Variants in ARHGEF9 observed in about 807,000 individuals in gnomAD.
ARHGEF9 encodes Cdc42 guanine nucleotide exchange factor 9, also known as rho guanine nucleotide exchange factor 9.
A neutral mutation model predicts 41.3 loss-of-function variants in ARHGEF9; 2 were observed. That is an observed-to-expected ratio of 0.05 (90% CI 0.02 to 0.15). The LOEUF (loss-of-function observed/expected upper bound fraction) is 0.15. Ranked by LOEUF, ARHGEF9 falls within the 10% of genes least tolerant of loss-of-function variation. ARHGEF9 has a pLI of 1.00. For synonymous variants in ARHGEF9, 160 were observed against 154.4 expected (o/e 1.04, Z -0.27); for missense variants, 225 against 424.7 (o/e 0.53, Z 4.13).
At chrX:63,714,862 T>C (rs1197698523) in intron 2 of ARHGEF9, among the ~76,000 whole-genome samples, 5 of 111,811 alleles carry the variant, frequency 4.5e-5, no homozygotes, top group Non-Finnish European at 7.5e-5. Context: ...GAAGTACTTT[T>C]GTAATTGCTT....
In ARHGEF9 at chrX:63,635,334, G is replaced by A; in HGVS notation, c.*2694C>T. The A allele has an allele frequency of 1.9e-6, 1 of 522,463 alleles. No individual in the cohort carries two copies. 43.1% of individuals were successfully genotyped at this position (522,463 alleles called of 1,213,427 possible). A position where few individuals can be genotyped will look rare whatever the true frequency, so the allele number is the denominator to read the frequency against. ...GATGTCTGTCTTAGGACTCCCCACA[G>A]CAGGTCCCATTGAACACACTAGCAA... is the stretch of plus-strand genomic sequence containing the variant. On this transcript the variant is annotated 3_prime_UTR_variant, in exon 10 of 10. Transcript: ENST00000671741.
At chrX:63,644,672 G>C (rs1373304539) in intron 8 of ARHGEF9, among the ~76,000 whole-genome samples, 1 of 109,735 alleles carries the variant, frequency 9.1e-6, no homozygotes, top group Non-Finnish European at 1.9e-5. Flanking sequence ...CAACAGAAAG[G>C]ACAGCTCACT....
At chrX:63,758,863 G>A (rs1208592420) in intron 1 of ARHGEF9, among the ~76,000 whole-genome samples, 1 of 111,650 alleles carries the variant, frequency 9.0e-6, no homozygotes, top group Non-Finnish European at 1.9e-5. Flanking sequence ...AAGCTAGGAG[G>A]GCAGAGACCA....
intron 7 of ARHGEF9, 103 bp downstream of exon 7, chrX:63,665,783 T>A (rs1556347022): frequency 9.7e-7 from 1 of 1,026,341 alleles, no homozygotes; most frequent in Admixed American, 2.6e-5. Context: ...TTTCCCCCCA[T>A]CAGTATTTGC....
intron 5 of ARHGEF9, among the ~76,000 whole-genome samples, chrX:63,676,100 C>T (rs1556361893): frequency 1.2e-4 from 14 of 112,150 alleles, no homozygotes. Context: ...AGGAAAGGGA[C>T]TTCTAATTGC....
intron 2 of ARHGEF9, chrX:63,713,227 G>T (rs187871884): frequency 9.0e-6 from 1 of 111,110 alleles, no homozygotes; most frequent in African/African-American, 3.3e-5. Flanking sequence ...GAAGGTGAGG[G>T]GTTATTGCCA....
rs781987743 is a variant in ARHGEF9 at position 63,724,763 on chromosome X, C to T, written c.31-52G>A. ...CAGTCCACACAGCTACCTTGCTTGC[C>T]CCTTCCCCCACCCACAGAGCTCTAC... On this transcript the variant is annotated intron_variant, in intron 1 of 9. Transcript: ENST00000671741. 1.2e-5 allele frequency: 14 copies of T among 1,125,245 alleles called. No individual in the cohort carries two copies. The Admixed American group carries it at 2.2e-4, about 18-fold the overall frequency. 92.7% of individuals were successfully genotyped at this position (1,125,245 alleles called of 1,213,427 possible).
intron 2 of ARHGEF9, among the ~76,000 whole-genome samples, chrX:63,721,220 T>C (rs2053616394): frequency 9.0e-6 from 1 of 111,686 alleles, no homozygotes; most frequent in Non-Finnish European, 1.9e-5. Flanking sequence ...GGTCACACTC[T>C]GGAACAATGG....
At chrX:63,742,120 C>T (rs2054998874) in intron 1 of ARHGEF9, among the ~76,000 whole-genome samples, 1 of 112,190 alleles carries the variant, frequency 8.9e-6, no homozygotes, top group African/African-American at 3.2e-5. Flanking sequence ...ATGTGGTAAT[C>T]ACAGGTGCTT....
chrX:63,701,333 T>C (rs1556395391), intron 3 of ARHGEF9, among the ~76,000 whole-genome samples: 1 of 110,583 alleles, frequency 9.0e-6, no homozygotes, highest in Non-Finnish European at 1.9e-5. Flanking sequence ...CTTTCAGTTC[T>C]GACATTCTAG....
In ARHGEF9 at chrX:63,682,463, C is replaced by T. The variant is rs782352891; in HGVS notation, c.583-3891G>A. 9.2e-5 allele frequency among the ~76,000 whole-genome samples: 10 copies of T among 108,837 alleles called. No homozygotes were observed. The South Asian group carries it at 2.8e-3, about 30-fold the overall frequency. 94.5% of individuals were successfully genotyped at this position (108,837 alleles called of 115,157 possible). Reference sequence around the variant, plus strand: ...CCAGGAGGTGGAGCTTGCAGTGAGCCGACATTGCGCCACTGCACTCCAGCC... The same window carrying T: ...CCAGGAGGTGGAGCTTGCAGTGAGCTGACATTGCGCCACTGCACTCCAGCC... On this transcript the variant is annotated intron_variant, in intron 4 of 9. Transcript: ENST00000671741.
At chrX:63,646,085 T>G (rs1369344645) in intron 8 of ARHGEF9, among the ~76,000 whole-genome samples, 3 of 111,929 alleles carry the variant, frequency 2.7e-5, no homozygotes, top group African/African-American at 9.8e-5. Context: ...TGTTTGTTTT[T>G]TTCTTGTAAA....
chrX:63,776,005 CT>C (rs2056288054), intron 1 of ARHGEF9, among the ~76,000 whole-genome samples: 1 of 111,085 alleles, frequency 9.0e-6, no homozygotes, highest in Non-Finnish European at 1.9e-5. Flanking sequence ...TATTTCCCCC[CT>C]ACTCAATACT....
intron 7 of ARHGEF9, among the ~76,000 whole-genome samples, chrX:63,661,581 C>T (rs782404085): frequency 1.1e-4 from 12 of 111,650 alleles, no homozygotes; most frequent in Admixed American, 5.7e-4. Context: ...ATAGATAATA[C>T]GAAGAAAAAG....
intron 3 of ARHGEF9, among the ~76,000 whole-genome samples, chrX:63,702,719 C>T (rs1470969770): frequency 1.8e-5 from 2 of 111,969 alleles, no homozygotes; most frequent in African/African-American, 6.5e-5. Context: ...TTAACACATC[C>T]ATGCTTGAGT....
chrX:63,735,860 AAAAG>A (rs1556422594), intron 1 of ARHGEF9, among the ~76,000 whole-genome samples: 1 of 111,876 alleles, frequency 8.9e-6, no homozygotes. Flanking sequence ...CAGCCCATCA[AAAAG>A]TGGAAGATAG....
chrX:63,708,482 T>A (rs1433658699), intron 2 of ARHGEF9, among the ~76,000 whole-genome samples: 2 of 112,210 alleles, frequency 1.8e-5, no homozygotes, highest in Non-Finnish European at 3.8e-5. Flanking sequence ...AGGTTCAAGC[T>A]ATACACCATG....
chrX:63,646,842 T>C (rs1363736219), intron 8 of ARHGEF9, among the ~76,000 whole-genome samples: 5 of 111,985 alleles, frequency 4.5e-5, no homozygotes, highest in Non-Finnish European at 9.4e-5. Context: ...TTTCACAATA[T>C]TGATTCTTCC....
chrX:63,778,876 T>C (rs1450511465), intron 1 of ARHGEF9, among the ~76,000 whole-genome samples: 4 of 112,432 alleles, frequency 3.6e-5, no homozygotes, highest in African/African-American at 1.3e-4. Flanking sequence ...CAGCCTGGAC[T>C]TTTTGGTCAA....
Sources: allele counts gnomAD v4.1 joint callset (sites outside exome capture counted in the v4.1 genomes callset), GRCh38; gene constraint gnomAD v4.1.1; transcripts MANE v1.5; gene names NCBI Gene and HGNC (gene_info 2026-07-23, HGNC 2026-07-21).